The following RP1L1 variants were observed in gnomAD, a reference collection of about 807,000 sequenced individuals.
The protein encoded by RP1L1 is RP1 like 1.
RP1L1 carries 27 observed loss-of-function variants against 15.7 expected under a neutral mutation model. That is an observed-to-expected ratio of 1.72 (90% confidence interval 1.27 to 2.38). The LOEUF is 2.38. RP1L1 is among the 30% of genes most tolerant of loss of function. The probability of loss-of-function intolerance (pLI) is 0.00; values close to 1 mark genes in which losing one functional copy is unlikely to be tolerated. For missense variants in RP1L1, 4,798 were observed against 3,075.9 expected (o/e 1.56, Z -13.24); for synonymous variants, 1,813 against 1,276.7 (o/e 1.42, Z -8.96).
At chr8:10,643,008 C>T (rs896528979) in intron 1 of RP1L1, among the ~76,000 whole-genome samples, 47 of 152,060 alleles carry the variant, frequency 3.1e-4, no homozygotes, top group African/African-American at 1.1e-3. Context: ...CTCCTTGAGG[C>T]CTCTTAGGAA....
In RP1L1 at chr8:10,607,413, C is replaced by G; in HGVS notation, c.6685G>C (p.Glu2229Gln). The G allele has an allele frequency of 6.2e-7, 1 of 1,613,764 alleles. No individual in the cohort carries two copies. Among genetic ancestry groups the G allele is most frequent in the African/African-American group, 1.3e-5 (1 of 74,898 alleles). ...GCCTCCCCTTCAGCCTCCGGGGTCT[C>G]TACGCCTTCTGGCTCTGGCTGGGCC... is the stretch of plus-strand genomic sequence containing the variant. ...EEAQPEPEGV[E>Q]TPEAEGEAQP... The change falls in exon 4 of 4, where the codon GAG (glutamate) becomes CAG (glutamine). Residue 2229 changes from glutamate to glutamine, a missense_variant. Coordinates refer to ENST00000382483, the MANE Select transcript of RP1L1 (RefSeq NM_178857.6).
At chr8:10,629,847 G>C (rs1798214160) in intron 1 of RP1L1, among the ~76,000 whole-genome samples, 1 of 151,016 alleles carries the variant, frequency 6.6e-6, no homozygotes, top group African/African-American at 2.4e-5. Flanking sequence ...GAGTTTGACT[G>C]AGATCCCATT....
At position 10,611,955 on chromosome 8, in the gene RP1L1, C is replaced by G. The variant is rs1797866168; in HGVS notation, c.2143G>C (p.Ala715Pro). ...SGSSSSTRTQ[A>P]SGNLRPPSSG... ...GAGGGAGGTCTCAGGTTCCCAGAGG[C>G]CTGTGTCCTGGTGCTCGATGAGCTT... is the stretch of plus-strand genomic sequence containing the variant. The change falls in exon 4 of 4, where the codon GCC (alanine) becomes CCC (proline). Residue 715 changes from alanine (A) to proline (P), a missense_variant. Transcript: ENST00000382483. The G allele has an allele frequency of 2.5e-6, 4 of 1,613,868 alleles. No homozygotes were observed. The highest frequency in any genetic ancestry group is 3.4e-6 in the Non-Finnish European group (4 of 1,180,022).
In RP1L1 at chr8:10,612,793, A is replaced by C. The variant is rs757295586; in HGVS notation, c.1305T>G (p.Ser435Arg). ...CGGCAGTCCCGTGGCCCCACAGGCCACTGCAGCGGACGTGCTGGGCCAGTC... is the reference window on the plus strand; with the variant it reads ...CGGCAGTCCCGTGGCCCCACAGGCCCCTGCAGCGGACGTGCTGGGCCAGTC... ...RWGLAQHVRC[S>R]GLWGHGTAGR... The change falls in exon 4 of 4, where the codon AGT becomes AGG. Residue 435 changes from serine to arginine, a missense_variant. Ser to Arg is a moderately radical substitution (Grantham distance 110, BLOSUM62 -1). Coordinates refer to ENST00000382483, the MANE Select transcript of RP1L1 (RefSeq NM_178857.6). 4 of 1,610,902 alleles carry C rather than the reference A, an allele frequency of 2.5e-6. No homozygotes were observed. In the East Asian group the frequency reaches 8.9e-5, roughly 36 times the overall value.
chr8:10,614,538 G>A (rs1797932938), intron 3 of RP1L1, among the ~76,000 whole-genome samples: 1 of 152,072 alleles, frequency 6.6e-6, no homozygotes, highest in Non-Finnish European at 1.5e-5. Context: ...GTGGGAGACT[G>A]TAATCCCAGC....
At position 10,622,725 on chromosome 8, in the gene RP1L1, G is replaced by T. The variant is rs769690517; in HGVS notation, c.477C>A (p.Asn159Lys). 101 of 1,614,064 alleles carry T rather than the reference G, an allele frequency of 6.3e-5. No homozygotes were observed. Among genetic ancestry groups the T allele is most frequent in the Non-Finnish European group, 8.1e-5 (95 of 1,180,044 alleles). The stretch of plus-strand genomic sequence containing the variant: ...CTGTCTGCTGGAGGCGAGGGTCCAT[G>T]TTCTTAATCAGCAGTATCCTCCGGG... The part of the protein sequence containing the change: ...KTPRRILLIK[N>K]MDPRLQQTVV... The change falls in exon 2 of 4, where the codon AAC becomes AAA. Residue 159 changes from asparagine (N) to lysine (K), a missense_variant. Physicochemically the swap from Asn to Lys is moderately conservative, Grantham distance 94. Coordinates refer to ENST00000382483, the MANE Select transcript of RP1L1 (RefSeq NM_178857.6).
At chr8:10,639,009 G>A (rs1266077338) in intron 1 of RP1L1, among the ~76,000 whole-genome samples, 1 of 152,094 alleles carries the variant, frequency 6.6e-6, no homozygotes, top group African/African-American at 2.4e-5. Context: ...GCTGGGCGTG[G>A]TGGTGCATGC....
intron 1 of RP1L1, among the ~76,000 whole-genome samples, chr8:10,630,200 G>A (rs946993954): frequency 1.3e-5 from 2 of 152,220 alleles, no homozygotes; most frequent in Non-Finnish European, 2.9e-5. Flanking sequence ...GGAGGGGGGA[G>A]CAGACCCCAT....
At chr8:10,613,483 G>T in intron 3 of RP1L1, 137 bp from the exon 4 acceptor site, 1 of 1,276,812 alleles carries the variant, frequency 7.8e-7, no homozygotes, top group Non-Finnish European at 1.1e-6. Flanking sequence ...CACGGTGACA[G>T]CTGTGCGCGG....
At chr8:10,650,786 C>T (rs1410206820) in intron 1 of RP1L1, among the ~76,000 whole-genome samples, 10 of 152,152 alleles carry the variant, frequency 6.6e-5, no homozygotes, top group East Asian at 3.9e-4. Flanking sequence ...AGGCTATTCT[C>T]GAACTCCTGA....
chr8:10,626,075 C>T (rs779367292), intron 1 of RP1L1, among the ~76,000 whole-genome samples: 2 of 152,108 alleles, frequency 1.3e-5, no homozygotes, highest in Non-Finnish European at 2.9e-5. Context: ...ACAGGAAATG[C>T]TCCAAGAGTT....
chr8:10,647,398 A>G (rs1295567985), intron 1 of RP1L1, among the ~76,000 whole-genome samples: 3 of 152,154 alleles, frequency 2.0e-5, no homozygotes, highest in Non-Finnish European at 2.9e-5. Context: ...AGTGGCATCA[A>G]GCACATTTCT....
Position 10,607,256 on chromosome 8 carries a change from G to T in RP1L1, c.6842C>A (p.Pro2281His), listed in dbSNP as rs776572559. ...GTGGGGAGTGTCTCCACCTGGGGAA[G>T]GGGGTGGAGTGGGCCTGTCCTCAGG... The part of the protein sequence containing the change: ...PVPEDRPTPP[P>H]SPGGDTPHQR... Residue 2281 changes from proline to histidine, a missense_variant, in exon 4 of 4, where the codon CCT becomes CAT. By Grantham distance (77) the Pro-to-His change is moderately conservative. Coordinates refer to ENST00000382483, the MANE Select transcript of RP1L1 (RefSeq NM_178857.6). 2.5e-6 allele frequency: 4 copies of T among 1,613,998 alleles called. No homozygotes were observed. The highest frequency in any genetic ancestry group is 1.3e-5 in the African/African-American group (1 of 74,936).
In RP1L1 at chr8:10,607,943, G is replaced by T; in HGVS notation, c.6155C>A (p.Ser2052Ter). Residue 2052 changes from serine (S) to a stop codon, truncating the protein, a stop_gained, in exon 4 of 4, where the codon TCA becomes TAA. Coordinates refer to ENST00000382483, the MANE Select transcript of RP1L1 (RefSeq NM_178857.6). LOFTEE classifies it low-confidence loss of function (END_TRUNC). Reference sequence around the variant, plus strand: ...TGCCTCCGGGGCCTCTACACCGTCTGACTCTGGCTGGGCATCCCCTTCTGT... The same window carrying T: ...TGCCTCCGGGGCCTCTACACCGTCTTACTCTGGCTGGGCATCCCCTTCTGT... ...QKTEGDAQPE[S>*]DGVEAPEAEE... is the part of the protein sequence containing the mutation. 1 of 1,609,932 alleles carries T rather than the reference G, an allele frequency of 6.2e-7. No homozygotes were observed. Among genetic ancestry groups the T allele is most frequent in the Non-Finnish European group, 8.5e-7 (1 of 1,179,206 alleles).
Position 10,610,691 on chromosome 8 carries a change from G to C in RP1L1, c.3407C>G (p.Ala1136Gly). ...GGAGTCTTTGAACCTCACTTTGCTGGCAGGAGACCCAAGGTCTTCCTCAAA... is the reference window on the plus strand; with the variant it reads ...GGAGTCTTTGAACCTCACTTTGCTGCCAGGAGACCCAAGGTCTTCCTCAAA... ...QLFEEDLGSP[A>G]SKVRFKDSPR... Residue 1136 changes from alanine to glycine, a missense_variant, in exon 4 of 4, where the codon GCC (alanine) becomes GGC (glycine). Ala to Gly is a moderately conservative substitution (Grantham distance 60). Transcript: ENST00000382483. 3 of 1,612,442 alleles carry C rather than the reference G, an allele frequency of 1.9e-6. No individual in the cohort carries two copies. Among genetic ancestry groups the C allele is most frequent in the Non-Finnish European group, 2.5e-6 (3 of 1,179,390 alleles).
In RP1L1 at chr8:10,613,015, C is replaced by T. The variant is rs1195855954; in HGVS notation, c.1083G>A (p.Glu361=). ...CCCACACACAGCAGAGGGGGTCTAC[C>T]TCCCCCAGAACGGGGTCTTCCCCAC... is the stretch of plus-strand genomic sequence containing the variant. ...AASGEDPVLG[E]VDPLCCVWEG... is the part of the protein sequence containing the mutation. Residue 361 remains glutamate (E), a synonymous_variant, in exon 4 of 4, where the codon GAG becomes GAA. Transcript: ENST00000382483. 3 of 1,613,348 alleles carry T rather than the reference C, an allele frequency of 1.9e-6. No individual in the cohort carries two copies. The Admixed American group carries it at 5.0e-5, about 27-fold the overall frequency.
chr8:10,615,202 T>C (rs1797946100), intron 3 of RP1L1, among the ~76,000 whole-genome samples: 1 of 152,194 alleles, frequency 6.6e-6, no homozygotes, highest in Admixed American at 6.5e-5. Context: ...CCTACAGTGA[T>C]CACTGAGCCT....
At chr8:10,626,821 A>C (rs1444981478) in intron 1 of RP1L1, among the ~76,000 whole-genome samples, 1 of 152,208 alleles carries the variant, frequency 6.6e-6, no homozygotes, top group Non-Finnish European at 1.5e-5. Context: ...ACAGCACGTC[A>C]TCAAGTGTGA....
Position 10,608,051 on chromosome 8 carries a change from GCCT to G in RP1L1, c.6044_6046del (p.Glu2015del), listed in dbSNP as rs1797744254. The stretch of plus-strand genomic sequence containing the variant: ...CTCTACACCGTCTGACTCTGGCTGG[GCCT>G]CCTCTTCTGCCTCTTGCATCTCCCC... On this transcript the variant is annotated inframe_deletion, in exon 4 of 4. Transcript: ENST00000382483. 6.3e-7 allele frequency: 1 copy of G among 1,597,326 alleles called. No homozygotes were observed. Among genetic ancestry groups the G allele is most frequent in the Non-Finnish European group, 8.5e-7 (1 of 1,174,160 alleles).
Sources: gnomAD v4.1 joint callset for allele counts (sites outside exome capture counted in the v4.1 genomes callset) on GRCh38, gnomAD v4.1.1 for gene constraint, MANE v1.5 for transcripts, NCBI Gene and HGNC (gene_info 2026-07-23, HGNC 2026-07-21) for gene names.